CENPK: variants seen among roughly 807,000 people sequenced by gnomAD.
CENPK encodes centromere protein K.
A neutral mutation model predicts 40.9 loss-of-function variants in CENPK; 46 were observed. That is an observed-to-expected ratio of 1.13 (90% confidence interval 0.89 to 1.44). The LOEUF is 1.44. Ranked by LOEUF, CENPK falls within the 40% of genes most tolerant of loss-of-function variation. The probability of loss-of-function intolerance (pLI) is 0.00; values close to 1 mark genes in which losing one functional copy is unlikely to be tolerated. For synonymous variants in CENPK, 107 were observed against 104.4 expected, an observed-to-expected ratio of 1.02 and a Z score of -0.15; for missense variants, 288 against 303.5, an observed-to-expected ratio of 0.95 and a Z score of 0.38.
At chr5:65,497,921 CTATT>C in the CENPK span, among the ~76,000 whole-genome samples, 4 of 151,936 alleles carry the variant, frequency 2.6e-5, no homozygotes, top group African/African-American at 4.8e-5. Flanking sequence ...ATTCAAAAGT[CTATT>C]TAAGTTAGAA....
At chr5:65,557,674 T>C (rs1751223656) in intron 2 of CENPK, among the ~76,000 whole-genome samples, 1 of 152,220 alleles carries the variant, frequency 6.6e-6, no homozygotes, top group South Asian at 2.1e-4. Flanking sequence ...CCAGATACTG[T>C]GGAACAGAGA....
the CENPK span, among the ~76,000 whole-genome samples, chr5:65,512,669 GA>G: frequency 2.6e-5 from 4 of 152,174 alleles, no homozygotes; most frequent in African/African-American, 9.7e-5. Context: ...CATGTACGGG[GA>G]AATCAAACAA....
At chr5:65,496,792 G>A in the CENPK span, among the ~76,000 whole-genome samples, 30,091 of 151,966 alleles carry the variant, frequency 0.2, 3,504 homozygotes, top group South Asian at 0.32. Context: ...GATGGCTCAC[G>A]TCTGTAATCC....
chr5:65,561,702 G>C (rs964986913), intron 1 of CENPK, 138 bp from the exon 2 acceptor site: 6 of 240,532 alleles, frequency 2.5e-5, no homozygotes, highest in African/African-American at 1.1e-4. Flanking sequence ...ACTTTTTGAG[G>C]TCCCCAGTTA....
intron 6 of CENPK, among the ~76,000 whole-genome samples, chr5:65,533,459 C>T (rs1200203463): frequency 1.3e-5 from 2 of 152,026 alleles, no homozygotes; most frequent in African/African-American, 4.8e-5. Context: ...AAACCTACTG[C>T]TAACATCACA....
chr5:65,523,545 T>C (rs1744148559), intron 9 of CENPK, among the ~76,000 whole-genome samples: 1 of 152,114 alleles, frequency 6.6e-6, no homozygotes, highest in African/African-American at 2.4e-5. Flanking sequence ...TCTAATACCT[T>C]AGTAAAGGAA....
chr5:65,504,162 T>TA, the CENPK span, among the ~76,000 whole-genome samples: 71 of 151,406 alleles, frequency 4.7e-4, no homozygotes, highest in Non-Finnish European at 8.7e-4. Context: ...TATATTTTTT[T>TA]AAAAAAAACC....
At chr5:65,520,815 CATAA>C (rs1408560863) in intron 10 of CENPK, among the ~76,000 whole-genome samples, 1 of 152,216 alleles carries the variant, frequency 6.6e-6, no homozygotes, top group East Asian at 1.9e-4. Context: ...CCCTGTTCTT[CATAA>C]ATTATTTCAT....
intron 5 of CENPK, among the ~76,000 whole-genome samples, chr5:65,545,322 GCGCACACACACACACACACA>G (rs1288878115): frequency 0.061 from 8,057 of 133,158 alleles, 420 homozygotes; most frequent in East Asian, 0.094. Context: ...TCCTCAAAGC[GCGCACACACACACACACACA>G]CACACACACA....
At chr5:65,558,482 A>C (rs968627241) in intron 2 of CENPK, among the ~76,000 whole-genome samples, 12 of 152,208 alleles carry the variant, frequency 7.9e-5, no homozygotes, top group Non-Finnish European at 1.3e-4. Context: ...TAGAAATTCT[A>C]TGTGGATTGT....
chr5:65,558,704 G>A (rs182744007), intron 2 of CENPK, among the ~76,000 whole-genome samples: 7 of 152,326 alleles, frequency 4.6e-5, no homozygotes, highest in Admixed American at 2.6e-4. Context: ...GAGCATGGTT[G>A]TATGTTTTCT....
At chr5:65,546,745 AG>A (rs1282167970) in intron 5 of CENPK, among the ~76,000 whole-genome samples, 3 of 152,242 alleles carry the variant, frequency 2.0e-5, no homozygotes, top group African/African-American at 7.2e-5. Flanking sequence ...GTGAAGACAC[AG>A]GAAGAAGATG....
At chr5:65,562,306 G>A (rs1427855035) in intron 1 of CENPK, among the ~76,000 whole-genome samples, 2 of 152,132 alleles carry the variant, frequency 1.3e-5, no homozygotes, top group Non-Finnish European at 2.9e-5. Context: ...GGAAATTTGT[G>A]AGACACAAAA....
intron 5 of CENPK, among the ~76,000 whole-genome samples, chr5:65,543,806 T>A (rs1055614005): frequency 6.6e-6 from 1 of 152,222 alleles, no homozygotes; most frequent in Non-Finnish European, 1.5e-5. Context: ...TTTCAGAGAA[T>A]GAAATGTGTA....
At chr5:65,536,230 A>G (rs925534878) in intron 6 of CENPK, among the ~76,000 whole-genome samples, 1 of 152,182 alleles carries the variant, frequency 6.6e-6, no homozygotes, top group Non-Finnish European at 1.5e-5. Flanking sequence ...AAGAGTTGCT[A>G]TGAAAGGGAA....
At chr5:65,535,906 T>C (rs1746806826) in intron 6 of CENPK, among the ~76,000 whole-genome samples, 1 of 152,146 alleles carries the variant, frequency 6.6e-6, no homozygotes, top group African/African-American at 2.4e-5. Flanking sequence ...AAGGAAGGAT[T>C]ACAGGGCGGG....
At position 65,538,638 on chromosome 5, in the gene CENPK, C is replaced by T. The variant is rs572885115; in HGVS notation, c.288+4164G>A. ...TATTTTTCATAAATAAAATAAAAAA[C>T]TAGGGACCTCTGCAGACAGAGCGAT... is the stretch of plus-strand genomic sequence containing the variant. On this transcript the variant is annotated intron_variant, in intron 6 of 10. Coordinates refer to ENST00000396679, the MANE Select transcript of CENPK (RefSeq NM_022145.5). Among the ~76,000 whole-genome samples, 5 of 152,164 alleles carry T rather than the reference C, an allele frequency of 3.3e-5. No individual in the cohort carries two copies. In the South Asian group the frequency reaches 1.0e-3, roughly 32 times the overall value.
chr5:65,538,526 T>C (rs959036605), intron 6 of CENPK, among the ~76,000 whole-genome samples: 3 of 152,196 alleles, frequency 2.0e-5, no homozygotes, highest in African/African-American at 7.2e-5. Flanking sequence ...ACTTTTACTA[T>C]ACATTCAAGA....
chr5:65,557,247 C>T (rs773532940), intron 2 of CENPK, among the ~76,000 whole-genome samples: 6 of 152,122 alleles, frequency 3.9e-5, no homozygotes, highest in Non-Finnish European at 8.8e-5. Context: ...AGAGAATTGA[C>T]AATTTATTTA....
Sources: gnomAD v4.1 joint callset for allele counts (sites outside exome capture counted in the v4.1 genomes callset) on GRCh38, gnomAD v4.1.1 for gene constraint, MANE v1.5 for transcripts, NCBI Gene and HGNC (gene_info 2026-07-23, HGNC 2026-07-21) for gene names.